FUT9: variants seen among roughly 807,000 people sequenced by gnomAD.
FUT9 encodes 4-galactosyl-N-acetylglucosaminide 3-alpha-L-fucosyltransferase 9.
FUT9 carries 15 observed loss-of-function variants against 29.7 expected under a neutral mutation model. The observed-to-expected ratio is 0.51, with a 90% CI of 0.34 to 0.78. The LOEUF (loss-of-function observed/expected upper bound fraction) is 0.78. FUT9 is among the 30% of genes least tolerant of loss of function. The probability of loss-of-function intolerance (pLI) is 0.01; values close to 1 mark genes in which losing one functional copy is unlikely to be tolerated. For synonymous variants in FUT9, 169 were observed against 153.7 expected, an observed-to-expected ratio of 1.10 and a Z score of -0.74; for missense variants, 319 against 425.4, an observed-to-expected ratio of 0.75 and a Z score of 2.20.
At chr6:96,118,702 G>A (rs1771962138) in intron 2 of FUT9, among the ~76,000 whole-genome samples, 1 of 152,154 alleles carries the variant, frequency 6.6e-6, no homozygotes, top group Admixed American at 6.5e-5. Flanking sequence ...AGGTATTCCA[G>A]AAGAAGGGAT....
intron 2 of FUT9, among the ~76,000 whole-genome samples, chr6:96,164,619 G>A (rs1011819429): frequency 1.3e-5 from 2 of 152,124 alleles, no homozygotes; most frequent in African/African-American, 4.8e-5. Flanking sequence ...AGTCTGCTCT[G>A]TCAGTCTTAA....
chr6:96,089,496 T>C (rs556948527), intron 1 of FUT9, among the ~76,000 whole-genome samples: 3 of 152,326 alleles, frequency 2.0e-5, no homozygotes, highest in Admixed American at 2.0e-4. Context: ...TTAAAATTGT[T>C]GTTTGATGTA....
intron 2 of FUT9, among the ~76,000 whole-genome samples, chr6:96,137,439 TCAAGTAGAAGCATAAATTC>T (rs1317659636): frequency 6.6e-6 from 1 of 152,022 alleles, no homozygotes; most frequent in Non-Finnish European, 1.5e-5. Context: ...TACTTCACCC[TCAAGTAGAAGCATAAATTC>T]CAAGTCCATA....
chr6:96,200,962 C>T (rs1398958047), intron 2 of FUT9, among the ~76,000 whole-genome samples: 2 of 151,862 alleles, frequency 1.3e-5, no homozygotes. Flanking sequence ...CATCTGTGTT[C>T]ATAAGCACAA....
chr6:96,107,954 A>C (rs1257438353), intron 1 of FUT9, among the ~76,000 whole-genome samples: 1 of 152,044 alleles, frequency 6.6e-6, no homozygotes, highest in African/African-American at 2.4e-5. Context: ...TGTAGAAGTA[A>C]GTACAAATCA....
chr6:96,049,126 T>C (rs1582193583), intron 1 of FUT9, among the ~76,000 whole-genome samples: 1 of 152,198 alleles, frequency 6.6e-6, no homozygotes, highest in East Asian at 1.9e-4. Flanking sequence ...GAATGGATCC[T>C]CTTGAAGTAA....
chr6:96,213,593 T>C lies in FUT9; in HGVS notation c.*9358T>C, dbSNP rs1328538786. On this transcript the variant is annotated 3_prime_UTR_variant, in exon 3 of 3. Coordinates refer to ENST00000302103, the MANE Select transcript of FUT9 (RefSeq NM_006581.4). The stretch of plus-strand genomic sequence containing the variant: ...ATTTCTGATAAGAATTTAATTGCAT[T>C]GTGCTAATAGTTGTTTATTGCTATT... 2 of 166,906 alleles carry C rather than the reference T, an allele frequency of 1.2e-5. No homozygotes were observed. The highest frequency in any genetic ancestry group is 2.4e-5 in the African/African-American group (1 of 41,430). The allele number at this position is 166,906 out of a possible 1,614,324, so 10.3% of individuals were successfully genotyped here.
chr6:96,203,135 C>A lies in FUT9; in HGVS notation c.-8-13C>A, dbSNP rs1773758408. ...CACCGCTACCTCCCCTTCTGTCTTT[C>A]TCTATTTCGTAGGAAAAATTATGAC... On this transcript the variant is annotated splice_polypyrimidine_tract_variant and intron_variant, in intron 2 of 2. Transcript: ENST00000302103. The A allele has an allele frequency of 1.3e-6, 2 of 1,568,418 alleles. No homozygotes were observed. The highest frequency in any genetic ancestry group is 1.4e-5 in the African/African-American group (1 of 73,562).
At chr6:96,092,198 A>G (rs1771422532) in intron 1 of FUT9, among the ~76,000 whole-genome samples, 2 of 152,236 alleles carry the variant, frequency 1.3e-5, no homozygotes, top group African/African-American at 4.8e-5. Flanking sequence ...ATATTTTGAC[A>G]ATATCGATCT....
intron 1 of FUT9, among the ~76,000 whole-genome samples, chr6:96,073,407 C>A (rs917497419): frequency 6.6e-6 from 1 of 150,818 alleles, no homozygotes; most frequent in Non-Finnish European, 1.5e-5. Flanking sequence ...TGAGATTATG[C>A]CACTGCACTC....
Position 96,062,477 on chromosome 6 carries a change from G to A in FUT9, c.-98+46265G>A, listed in dbSNP as rs114807055. 4.8e-3 allele frequency among the ~76,000 whole-genome samples: 725 copies of A among 152,150 alleles called. 6 individuals carry two copies. Among genetic ancestry groups the A allele is most frequent in the African/African-American group, 0.017 (701 of 41,522 alleles). ...ACCTCTGGAAAACTTGTTTAGGAAT[G>A]CAAAAGAACAGAGAAGGGAACTTTG... On this transcript the variant is annotated intron_variant, in intron 1 of 2. Coordinates refer to ENST00000302103, the MANE Select transcript of FUT9 (RefSeq NM_006581.4).
chr6:96,185,475 G>T (rs1773388980), intron 2 of FUT9, among the ~76,000 whole-genome samples: 1 of 152,046 alleles, frequency 6.6e-6, no homozygotes, highest in Non-Finnish European at 1.5e-5. Context: ...TGGCCACAGA[G>T]AAAACAGAGG....
chr6:96,192,877 A>G (rs1773539637), intron 2 of FUT9, among the ~76,000 whole-genome samples: 1 of 152,026 alleles, frequency 6.6e-6, no homozygotes, highest in Non-Finnish European at 1.5e-5. Context: ...GGAATAGAAC[A>G]GAGCCCTCCG....
At chr6:96,180,446 A>G (rs949346167) in intron 2 of FUT9, among the ~76,000 whole-genome samples, 1 of 152,146 alleles carries the variant, frequency 6.6e-6, no homozygotes, top group African/African-American at 2.4e-5. Flanking sequence ...CACATAGTCC[A>G]GAAACCAGTG....
intron 2 of FUT9, among the ~76,000 whole-genome samples, chr6:96,126,409 A>T (rs146054549): frequency 1.8e-4 from 27 of 152,208 alleles, no homozygotes; most frequent in Non-Finnish European, 3.2e-4. Context: ...AAGGCACCAA[A>T]CAGTTCATGA....
intron 1 of FUT9, among the ~76,000 whole-genome samples, chr6:96,068,392 G>A (rs960646793): frequency 2.0e-5 from 3 of 152,092 alleles, no homozygotes; most frequent in Admixed American, 1.3e-4. Context: ...ATGCAAAGAC[G>A]GGTGAGTTAA....
intron 2 of FUT9, among the ~76,000 whole-genome samples, chr6:96,166,354 G>A (rs1328376694): frequency 6.6e-6 from 1 of 152,062 alleles, no homozygotes; most frequent in East Asian, 1.9e-4. Context: ...TCTTACTAGT[G>A]TAATACAGCA....
In FUT9 at chr6:96,143,731, G is replaced by A. The variant is rs181630557; in HGVS notation, c.-9+29604G>A. Among the ~76,000 whole-genome samples the A allele has an allele frequency of 4.6e-4, 70 of 152,192 alleles. 1 individual carries two copies. The East Asian group carries it at 4.6e-3, about 10-fold the overall frequency. ...TTTTAAAATATAAAAATATAAAATC[G>A]TTGGGTGGATTGAAATTTTAGATAA... is the stretch of plus-strand genomic sequence containing the variant. On this transcript the variant is annotated intron_variant, in intron 2 of 2. Coordinates refer to ENST00000302103, the MANE Select transcript of FUT9 (RefSeq NM_006581.4).
chr6:96,064,934 A>C (rs1054395783), intron 1 of FUT9, among the ~76,000 whole-genome samples: 1 of 152,230 alleles, frequency 6.6e-6, no homozygotes, highest in African/African-American at 2.4e-5. Flanking sequence ...ATAGAAAAGT[A>C]CATCTCAAAA....
Sources: gnomAD v4.1 joint callset for allele counts (sites outside exome capture counted in the v4.1 genomes callset) on GRCh38, gnomAD v4.1.1 for gene constraint, MANE v1.5 for transcripts, NCBI Gene and HGNC (gene_info 2026-07-23, HGNC 2026-07-21) for gene names.